ITPR2: variants seen among roughly 807,000 people sequenced by gnomAD.
The protein encoded by ITPR2 is inositol 1,4,5-trisphosphate receptor type 2.
Under a neutral mutation model 317.1 loss-of-function variants are expected in ITPR2, and 207 were observed. The ratio of observed to expected loss-of-function variants is 0.65; its 90% CI spans 0.58 to 0.73. The LOEUF (loss-of-function observed/expected upper bound fraction) is 0.73, where lower values mean the gene tolerates loss of function less well. Among genes scored for constraint, ITPR2 ranks in the 30% least tolerant of loss-of-function variants. ITPR2 has a pLI of 0.00. For synonymous variants in ITPR2, 1,156 were observed against 1,149.1 expected (o/e 1.01, Z -0.12); for missense variants, 2,613 against 3,284.0 (o/e 0.80, Z 4.99).
intron 55 of ITPR2, among the ~76,000 whole-genome samples, chr12:26,376,623 TG>T (rs1478222607): frequency 5.9e-5 from 9 of 152,256 alleles, no homozygotes; most frequent in African/African-American, 1.9e-4. Flanking sequence ...AATGTAAATC[TG>T]CTCCTGTCTC....
intron 37 of ITPR2, among the ~76,000 whole-genome samples, chr12:26,512,264 AC>A (rs1226648087): frequency 7.9e-5 from 12 of 151,574 alleles, no homozygotes. Context: ...CCAGATCTTT[AC>A]CCTAAAACAA....
intron 37 of ITPR2, among the ~76,000 whole-genome samples, chr12:26,512,821 ATTTTT>A (rs371730693): frequency 7.4e-6 from 1 of 135,420 alleles, no homozygotes; most frequent in Non-Finnish European, 1.6e-5. Flanking sequence ...AAGGGAAACA[ATTTTT>A]TTTTTTTTTT....
At chr12:26,531,654 TACAC>T (rs144906868) in intron 37 of ITPR2, among the ~76,000 whole-genome samples, 18,952 of 138,726 alleles carry the variant, frequency 0.14, 1,811 homozygotes, top group East Asian at 0.48. Flanking sequence ...TTACTGTATT[TACAC>T]ACACACACAC....
At position 26,657,881 on chromosome 12, in the gene ITPR2, A is replaced by G. The variant is rs376907266; in HGVS notation, c.2018T>C (p.Met673Thr). ...DILIQTKVVS[M>T]QADNPMESSI... is the part of the protein sequence containing the mutation. The stretch of plus-strand genomic sequence containing the variant: ...GCTCTCCATGGGGTTGTCTGCTTGC[A>G]TTGAGACCACCCTTCAAATAAATAG... The change falls in exon 18 of 57, where the codon ATG (methionine) becomes ACG (threonine). Residue 673 changes from methionine (M) to threonine (T), a missense_variant. Around this residue, in one of 9 missense-constraint regions of ITPR2, gnomAD observed 817 missense variants for 897.6 expected, o/e 0.91. Coordinates refer to ENST00000381340, the MANE Select transcript of ITPR2 (RefSeq NM_002223.4). The G allele has an allele frequency of 9.3e-5, 150 of 1,613,716 alleles. No homozygotes were observed. The highest frequency in any genetic ancestry group is 6.6e-4 in the Middle Eastern group (4 of 6,084).
chr12:26,729,895 C>T (rs1202526284), intron 2 of ITPR2, among the ~76,000 whole-genome samples: 1 of 151,978 alleles, frequency 6.6e-6, no homozygotes, highest in African/African-American at 2.4e-5. Flanking sequence ...ATCTGTACAA[C>T]AAACCCCCAT....
At chr12:26,801,509 C>T (rs537629637) in intron 1 of ITPR2, among the ~76,000 whole-genome samples, 1 of 152,280 alleles carries the variant, frequency 6.6e-6, no homozygotes, top group South Asian at 2.1e-4. Flanking sequence ...CTACTGCTAC[C>T]TTCCTTGATG....
intron 46 of ITPR2, among the ~76,000 whole-genome samples, chr12:26,440,462 A>G (rs1164435053): frequency 6.6e-6 from 1 of 152,202 alleles, no homozygotes; most frequent in East Asian, 1.9e-4. Flanking sequence ...CACTGAATCA[A>G]TTACAGAACT....
chr12:26,714,084 T>A (rs1464683336), intron 8 of ITPR2, among the ~76,000 whole-genome samples: 1 of 152,236 alleles, frequency 6.6e-6, no homozygotes, highest in East Asian at 1.9e-4. Context: ...TAAGTTCTTT[T>A]GTACTATTTC....
chr12:26,390,163 G>A (rs1939788225), intron 54 of ITPR2, among the ~76,000 whole-genome samples: 1 of 152,210 alleles, frequency 6.6e-6, no homozygotes, highest in Non-Finnish European at 1.5e-5. Flanking sequence ...TAACAGAAAT[G>A]TAAAATGGTG....
At chr12:26,651,056 C>G (rs1303747497) in intron 21 of ITPR2, among the ~76,000 whole-genome samples, 6 of 152,122 alleles carry the variant, frequency 3.9e-5, no homozygotes, top group Admixed American at 2.0e-4. Flanking sequence ...TGAATGTATA[C>G]TATATATAAT....
rs1269582656 is a variant in ITPR2 at position 26,679,408 on chromosome 12, T to A, written c.1409+2466A>T. 4.6e-5 allele frequency among the ~76,000 whole-genome samples: 7 copies of A among 152,164 alleles called. No individual in the cohort carries two copies. The East Asian group carries it at 1.3e-3, about 29-fold the overall frequency. On this transcript the variant is annotated intron_variant, in intron 13 of 56. Coordinates refer to ENST00000381340, the MANE Select transcript of ITPR2 (RefSeq NM_002223.4). ...TCTAAAAGGTTTTAAAACATATAGC[T>A]AAGGACTACTGAAAAGTGAATCCCA...
At chr12:26,600,649 T>C (rs563979864) in intron 28 of ITPR2, among the ~76,000 whole-genome samples, 14 of 152,224 alleles carry the variant, frequency 9.2e-5, no homozygotes, top group African/African-American at 3.1e-4. Flanking sequence ...CTCTTTCTCA[T>C]ACATCTTCCT....
chr12:26,406,651 T>C (rs1940363914), intron 52 of ITPR2: 1 of 152,138 alleles, frequency 6.6e-6, no homozygotes, highest in African/African-American at 2.4e-5. Flanking sequence ...ACTAAGGCTG[T>C]CATGGATGCA....
At chr12:26,812,042 A>T (rs1405676080) in intron 1 of ITPR2, among the ~76,000 whole-genome samples, 2 of 151,106 alleles carry the variant, frequency 1.3e-5, no homozygotes, top group African/African-American at 2.4e-5. Context: ...ACACACCTGT[A>T]GTCCCTGCTA....
intron 52 of ITPR2, among the ~76,000 whole-genome samples, chr12:26,410,729 T>C (rs1218566646): frequency 6.6e-6 from 1 of 152,216 alleles, no homozygotes; most frequent in African/African-American, 2.4e-5. Flanking sequence ...ATATGACACA[T>C]GCCATAGTTT....
intron 55 of ITPR2, among the ~76,000 whole-genome samples, chr12:26,377,367 G>A (rs536959201): frequency 1.6e-4 from 25 of 152,208 alleles, no homozygotes; most frequent in Non-Finnish European, 8.8e-5. Flanking sequence ...CTAGCACCTC[G>A]AACACAATAA....
chr12:26,701,603 A>G (rs1308225824), intron 9 of ITPR2, among the ~76,000 whole-genome samples: 1 of 152,192 alleles, frequency 6.6e-6, no homozygotes, highest in Non-Finnish European at 1.5e-5. Context: ...TTATGTATAC[A>G]TATACATGCA....
At chr12:26,492,905 GTA>G (rs148478316) in intron 39 of ITPR2, among the ~76,000 whole-genome samples, 64,292 of 133,566 alleles carry the variant, frequency 0.48, 14,726 homozygotes, top group Non-Finnish European at 0.57. Context: ...ATGTGTGTGT[GTA>G]TGTGTGTGTG....
chr12:26,410,998 T>C (rs1940528011), intron 52 of ITPR2, among the ~76,000 whole-genome samples: 1 of 152,226 alleles, frequency 6.6e-6, no homozygotes, highest in South Asian at 2.1e-4. Context: ...TTCCCGATCC[T>C]GTGTGAAAGG....
Sources: gnomAD v4.1 joint callset for allele counts (sites outside exome capture counted in the v4.1 genomes callset) on GRCh38, gnomAD v4.1.1 for gene constraint, gnomAD v4.1.1 regional missense constraint, MANE v1.5 for transcripts, NCBI Gene and HGNC (gene_info 2026-07-23, HGNC 2026-07-21) for gene names.